The following ZNF727 variants were observed in gnomAD, a reference collection of about 807,000 sequenced individuals.
The protein encoded by ZNF727 is putative zinc finger protein 727.
In ZNF727, 11 loss-of-function variants were observed where a neutral mutation model predicts 11.5. The ratio of observed to expected loss-of-function variants is 0.95; its 90% CI spans 0.60 to 1.58. The LOEUF is 1.58. Among genes scored for constraint, ZNF727 ranks in the 40% most tolerant of loss-of-function variants. The pLI, the probability that ZNF727 is intolerant of heterozygous loss-of-function variation, is 0.00. For missense variants in ZNF727, 533 were observed against 581.7 expected (o/e 0.92, Z 0.86); for synonymous variants, 171 against 196.1 (o/e 0.87, Z 1.07).
intron 1 of ZNF727, among the ~76,000 whole-genome samples, chr7:64,056,972 T>C (rs1789695218): frequency 1.3e-5 from 2 of 152,168 alleles, no homozygotes; most frequent in Non-Finnish European, 2.9e-5. Flanking sequence ...TAACCAATTA[T>C]AGCTATGACA....
chr7:64,052,006 A>G (rs1461688415), intron 1 of ZNF727, among the ~76,000 whole-genome samples: 2 of 152,196 alleles, frequency 1.3e-5, no homozygotes, highest in East Asian at 3.9e-4. Context: ...GGTATTATAC[A>G]TAAGTTCAGC....
intron 3 of ZNF727, 48 bp downstream of exon 3, chr7:64,069,657 G>A (rs1789929399): frequency 7.0e-7 from 1 of 1,430,020 alleles, no homozygotes; most frequent in Non-Finnish European, 9.6e-7. Context: ...GGTTCCCAAT[G>A]TCAAGGAGGA....
intron 1 of ZNF727, among the ~76,000 whole-genome samples, chr7:64,062,702 A>ATATATATATATATATATATATATG (rs1789792039): frequency 1.4e-5 from 2 of 145,390 alleles, no homozygotes; most frequent in Admixed American, 1.4e-4. Flanking sequence ...ATATATATAT[A>ATATATATATATATATATATATATG]TGAAGTTCTC....
intron 1 of ZNF727, among the ~76,000 whole-genome samples, chr7:64,050,768 G>A (rs899045091): frequency 1.5e-5 from 2 of 134,344 alleles, no homozygotes; most frequent in Non-Finnish European, 3.1e-5. Flanking sequence ...GTGTATGTAT[G>A]CATATGTATG....
At chr7:64,052,881 G>A (rs1789624884) in intron 1 of ZNF727, among the ~76,000 whole-genome samples, 1 of 152,160 alleles carries the variant, frequency 6.6e-6, no homozygotes, top group Non-Finnish European at 1.5e-5. Context: ...ACTTGCGTGA[G>A]ACCTGTAGCC....
At chr7:64,077,014 G>C (rs1785677001) in intron 3 of ZNF727, among the ~76,000 whole-genome samples, 1 of 152,144 alleles carries the variant, frequency 6.6e-6, no homozygotes, top group Non-Finnish European at 1.5e-5. Flanking sequence ...GGGTAAATAT[G>C]AAATACTTTT....
chr7:64,084,536 A>G lies in ZNF727; in HGVS notation c.*5987A>G, dbSNP rs1373933585. ...CTTTGTCAGTGGTCTTTAACTTACC[A>G]TAATTTGGAGAATATGATTCCTACA... On this transcript the variant is annotated 3_prime_UTR_variant, in exon 4 of 4. Transcript: ENST00000456806. 6.6e-6 allele frequency among the ~76,000 whole-genome samples: 1 copy of G among 152,156 alleles called. No individual in the cohort carries two copies. The highest frequency in any genetic ancestry group is 1.5e-5 in the Non-Finnish European group (1 of 68,004).
rs1419799430 is a variant in ZNF727, at chr7:64,080,750, A to T, written c.*2201A>T. Among the ~76,000 whole-genome samples, 1 of 152,232 alleles carries T rather than the reference A, an allele frequency of 6.6e-6. No individual in the cohort carries two copies. Among genetic ancestry groups the T allele is most frequent in the East Asian group, 1.9e-4 (1 of 5,174 alleles). ...GATTTTGTCTCATCTTTGTGGGCGT[A>T]TCTTTAAAGTTGCTGAACTTTGAAT... is the stretch of plus-strand genomic sequence containing the variant. On this transcript the variant is annotated 3_prime_UTR_variant, in exon 4 of 4. Transcript: ENST00000456806.
chr7:64,060,983 GT>G (rs1303433549), intron 1 of ZNF727, among the ~76,000 whole-genome samples: 3 of 151,932 alleles, frequency 2.0e-5, no homozygotes, highest in African/African-American at 7.2e-5. Context: ...AGTTTCCAAA[GT>G]TTTTTCTGTT....
chr7:64,045,641 G>C lies in ZNF727; in HGVS notation c.3+17G>C. Reference sequence around the variant, plus strand: ...TGGGAAATGGTGAGTGCGCGGAGTGGGTGTCCCGAGAAGGGGGAAGAGGCT... The same window carrying C: ...TGGGAAATGGTGAGTGCGCGGAGTGCGTGTCCCGAGAAGGGGGAAGAGGCT... On this transcript the variant is annotated intron_variant, in intron 1 of 3. Transcript: ENST00000456806. 1 of 1,559,312 alleles carries C rather than the reference G, an allele frequency of 6.4e-7. No homozygotes were observed. The highest frequency in any genetic ancestry group is 8.7e-7 in the Non-Finnish European group (1 of 1,151,324).
Position 64,065,681 on chromosome 7 carries a change from G to A in ZNF727, c.4-3210G>A, listed in dbSNP as rs191176786. Reference sequence around the variant, plus strand: ...CACTTTTTCTTCTGAAATATCACGTGTGTAGAACTTGCAAATGTTAACTTC... The same window carrying A: ...CACTTTTTCTTCTGAAATATCACGTATGTAGAACTTGCAAATGTTAACTTC... On this transcript the variant is annotated intron_variant, in intron 1 of 3. Coordinates refer to ENST00000456806, the MANE Select transcript of ZNF727 (RefSeq NM_001159522.3). Among the ~76,000 whole-genome samples the A allele has an allele frequency of 8.1e-4, 123 of 152,312 alleles. 1 individual carries two copies. The East Asian group carries it at 0.018, about 22-fold the overall frequency.
Position 64,077,468 on chromosome 7 carries a change from C to A in ZNF727, c.419C>A (p.Thr140Asn). The change falls in exon 4 of 4, where the codon ACC (threonine) becomes AAC (asparagine). Residue 140 changes from threonine to asparagine, a missense_variant. By Grantham distance (65) the Thr-to-Asn change is moderately conservative. Transcript: ENST00000456806. Reference protein sequence around the residue: ...YNGIHQCLSATRSKTCQYNKC... With the variant: ...YNGIHQCLSANRSKTCQYNKC... Reference sequence around the variant, plus strand: ...GGCATTCATCAATGTTTGTCAGCTACCCGTAGCAAAACCTGTCAATATAAT... The same window carrying A: ...GGCATTCATCAATGTTTGTCAGCTAACCGTAGCAAAACCTGTCAATATAAT... The A allele has an allele frequency of 6.4e-7, 1 of 1,551,824 alleles. No individual in the cohort carries two copies. The highest frequency in any genetic ancestry group is 8.7e-7 in the Non-Finnish European group (1 of 1,147,000).
intron 1 of ZNF727, among the ~76,000 whole-genome samples, chr7:64,056,441 A>T (rs1789687746): frequency 6.6e-6 from 1 of 152,212 alleles, no homozygotes; most frequent in Admixed American, 6.5e-5. Flanking sequence ...GTTGGCTTTA[A>T]AAATGGCCTG....
intron 1 of ZNF727, among the ~76,000 whole-genome samples, chr7:64,057,120 G>T (rs10238234): frequency 0.078 from 11,889 of 151,600 alleles, 705 homozygotes; most frequent in African/African-American, 0.16. Context: ...AGCCCCCAAA[G>T]AATTATTTAT....
intron 1 of ZNF727, among the ~76,000 whole-genome samples, chr7:64,048,753 T>A (rs148677132): frequency 4.6e-4 from 70 of 152,344 alleles, no homozygotes; most frequent in African/African-American, 1.6e-3. Flanking sequence ...CTTTCTAAGC[T>A]TATAAAAATA....
At position 64,078,593 on chromosome 7, in the gene ZNF727, A is replaced by C. The variant is rs759624396; in HGVS notation, c.*44A>C. The C allele has an allele frequency of 1.3e-6, 2 of 1,544,154 alleles. No homozygotes were observed. Among genetic ancestry groups the C allele is most frequent in the Non-Finnish European group, 1.8e-6 (2 of 1,135,368 alleles). On this transcript the variant is annotated 3_prime_UTR_variant, in exon 4 of 4. Transcript: ENST00000456806. ...CTTACAAATGTAATGAATGTGGAAAAGCTTTTACGTGGATCTTGGCCCTTA... is the reference window on the plus strand; with the variant it reads ...CTTACAAATGTAATGAATGTGGAAACGCTTTTACGTGGATCTTGGCCCTTA...
rs538117579 is a variant in ZNF727 at position 64,077,813 on chromosome 7, C to A, written c.764C>A (p.Pro255His). ...AAGAGAAATCATACTGGAGACAGAC[C>A]CTACAAATGCGAAGAATGTCACAAA... ...KHKRNHTGDR[P>H]YKCEECHKAF... Residue 255 changes from proline to histidine, a missense_variant, in exon 4 of 4, where the codon CCC becomes CAC. By Grantham distance (77) the Pro-to-His change is moderately conservative (BLOSUM62 -2). Transcript: ENST00000456806. 6.4e-7 allele frequency: 1 copy of A among 1,569,306 alleles called. No individual in the cohort carries two copies. The highest frequency in any genetic ancestry group is 1.4e-5 in the African/African-American group (1 of 73,484).
chr7:64,060,168 A>T (rs1789748144), intron 1 of ZNF727, among the ~76,000 whole-genome samples: 1 of 152,208 alleles, frequency 6.6e-6, no homozygotes, highest in Non-Finnish European at 1.5e-5. Flanking sequence ...TTAAAGACTA[A>T]ATATGGTGAT....
rs1357781946 is a variant in ZNF727 at position 64,077,715 on chromosome 7, T to C, written c.666T>C (p.His222=). 1.3e-5 allele frequency: 21 copies of C among 1,580,124 alleles called. No homozygotes were observed. Among genetic ancestry groups the C allele is most frequent in the Admixed American group, 3.7e-5 (2 of 54,618 alleles). Residue 222 remains histidine, a synonymous_variant, in exon 4 of 4, where the codon CAT becomes CAC. Transcript: ENST00000456806. The stretch of plus-strand genomic sequence containing the variant: ...ACCTTACTGAACATAATAGAGTTCA[T>C]ACTGGAAAGAAACCCTACAAATGTG... The part of the protein sequence containing the change: ...FSNLTEHNRV[H]TGKKPYKCEE...
Sources: gnomAD v4.1 joint callset for allele counts (sites outside exome capture counted in the v4.1 genomes callset) on GRCh38, gnomAD v4.1.1 for gene constraint, MANE v1.5 for transcripts, NCBI Gene and HGNC (gene_info 2026-07-23, HGNC 2026-07-21) for gene names.